DLEC1: variants seen among roughly 807,000 people sequenced by gnomAD.
DLEC1 encodes deleted in lung and esophageal cancer protein 1.
In DLEC1, 146 loss-of-function variants were observed where a neutral mutation model predicts 198.1. That is an observed-to-expected ratio of 0.74 (90% CI 0.64 to 0.85). The LOEUF (loss-of-function observed/expected upper bound fraction) is 0.85. Among genes scored for constraint, DLEC1 ranks in the 40% least tolerant of loss-of-function variants. DLEC1 has a pLI of 0.00. For synonymous variants in DLEC1, 897 were observed against 866.8 expected (o/e 1.03, Z -0.61); for missense variants, 2,233 against 2,220.0 (o/e 1.01, Z -0.12).
At chr3:38,047,384 T>G (rs1700929465) in intron 2 of DLEC1, among the ~76,000 whole-genome samples, 1 of 152,226 alleles carries the variant, frequency 6.6e-6, no homozygotes, top group Admixed American at 6.5e-5. Flanking sequence ...GATGGCTGTC[T>G]GCTATTTATT....
At chr3:38,090,396 C>T (rs1179087306) in intron 10 of DLEC1, among the ~76,000 whole-genome samples, 1 of 152,146 alleles carries the variant, frequency 6.6e-6, no homozygotes, top group East Asian at 1.9e-4. Context: ...CAAAGTTGCC[C>T]ACTCTATACT....
At chr3:38,072,539 G>A (rs1697379725) in intron 6 of DLEC1, among the ~76,000 whole-genome samples, 1 of 152,194 alleles carries the variant, frequency 6.6e-6, no homozygotes, top group South Asian at 2.1e-4. Flanking sequence ...GAGCTAGAGT[G>A]GGGGCAGTCT....
intron 23 of DLEC1, among the ~76,000 whole-genome samples, chr3:38,111,166 G>A (rs1421300377): frequency 6.6e-6 from 1 of 152,164 alleles, no homozygotes; most frequent in Non-Finnish European, 1.5e-5. Flanking sequence ...ACCTAATCTA[G>A]TGAAGCAAGA....
chr3:38,043,453 C>G (rs961953441), intron 1 of DLEC1, among the ~76,000 whole-genome samples: 2 of 152,280 alleles, frequency 1.3e-5, no homozygotes, highest in East Asian at 1.9e-4. Context: ...GAACATAGTA[C>G]TTTATATTTG....
At chr3:38,056,086 C>T (rs1696350269) in intron 2 of DLEC1, among the ~76,000 whole-genome samples, 1 of 150,270 alleles carries the variant, frequency 6.7e-6, no homozygotes, top group Non-Finnish European at 1.5e-5. Context: ...CACACACACA[C>T]ACACACACAC....
chr3:38,079,994 A>G (rs1401705457), intron 6 of DLEC1, among the ~76,000 whole-genome samples: 1 of 152,170 alleles, frequency 6.6e-6, no homozygotes, highest in Non-Finnish European at 1.5e-5. Flanking sequence ...TATATTGAGA[A>G]TAAGATAGCC....
Position 38,120,367 on chromosome 3 carries a change from A to G in DLEC1, c.4705-81A>G, listed in dbSNP as rs565662377. 21 of 1,536,418 alleles carry G rather than the reference A, an allele frequency of 1.4e-5. No individual in the cohort carries two copies. In the African/African-American group the frequency reaches 2.6e-4, roughly 19 times the overall value. ...GCTGGGCAAGGCTGGGCCTGGGAGG[A>G]AAGGAGGATGGAGCTCCAGGTGGGG... On this transcript the variant is annotated intron_variant, in intron 33 of 36. Transcript: ENST00000308059.
intron 6 of DLEC1, 83 bp downstream of exon 6, chr3:38,064,002 T>C (rs1575407428): frequency 4.4e-6 from 4 of 915,114 alleles, no homozygotes; most frequent in Admixed American, 5.5e-5. Context: ...TTTTCTTTTT[T>C]TTTTCTTTTT....
chr3:38,081,936 G>A (rs1252420807), intron 6 of DLEC1, among the ~76,000 whole-genome samples: 6 of 145,816 alleles, frequency 4.1e-5, no homozygotes, highest in Admixed American at 1.3e-4. Flanking sequence ...GCTGCCGGGC[G>A]GAGATGCTCC....
rs778778887 is a variant in DLEC1, at chr3:38,096,548, TAAC to T, written c.2172-20_2172-18del. 1 of 1,602,952 alleles carries T rather than the reference TAAC, an allele frequency of 6.2e-7. No homozygotes were observed. Among genetic ancestry groups the T allele is most frequent in the South Asian group, 1.1e-5 (1 of 89,814 alleles). ...GCTTCCAGGTGTGCCGGCTCCTAGC[TAAC>T]GGTGGGTTTGTGTTTAGTTCAGAAG... On this transcript the variant is annotated intron_variant, in intron 14 of 36. Coordinates refer to ENST00000308059, the MANE Select transcript of DLEC1 (RefSeq NM_007335.4).
intron 20 of DLEC1, among the ~76,000 whole-genome samples, 171 bp from the exon 21 acceptor site, chr3:38,108,234 A>AAGGGACCCGTGGTTTATCCCCAGAAGT (rs1699670638): frequency 6.6e-6 from 1 of 152,156 alleles, no homozygotes; most frequent in Non-Finnish European, 1.5e-5. Flanking sequence ...AGGAGAGGAG[A>AAGGGACCCGTGGTTTATCCCCAGAAGT]AGGGACCCGT....
chr3:38,118,738 C>A (rs775205902), intron 33 of DLEC1, among the ~76,000 whole-genome samples: 1 of 152,092 alleles, frequency 6.6e-6, no homozygotes, highest in Non-Finnish European at 1.5e-5. Flanking sequence ...TTCTTCTTCT[C>A]GGAGGGCTTC....
At chr3:38,099,761 G>C (rs1194420261) in intron 18 of DLEC1, among the ~76,000 whole-genome samples, 1 of 139,950 alleles carries the variant, frequency 7.1e-6, no homozygotes, top group East Asian at 2.5e-4. Flanking sequence ...ATGGGAGGAG[G>C]AGCAGACCGG....
chr3:38,064,011 T>C (rs1007108911), intron 6 of DLEC1, 92 bp downstream of exon 6: 85 of 872,190 alleles, frequency 9.7e-5, no homozygotes, highest in East Asian at 3.7e-4. Flanking sequence ...TTTTTTCTTT[T>C]TTTTTTTTTT....
rs749965190 is a variant in DLEC1 at position 38,117,802 on chromosome 3, C to T, written c.4486-4C>T. On this transcript the variant is annotated splice_polypyrimidine_tract_variant and splice_region_variant and intron_variant, in intron 32 of 36. Coordinates refer to ENST00000308059, the MANE Select transcript of DLEC1 (RefSeq NM_007335.4). The stretch of plus-strand genomic sequence containing the variant: ...CCCTGCCTCCTACCTCTGTGGCTGC[C>T]CAGGTGCTGAGTGAGCTGGTGACCA... 1.9e-6 allele frequency: 3 copies of T among 1,614,092 alleles called. No homozygotes were observed. Among genetic ancestry groups the T allele is most frequent in the South Asian group, 2.2e-5 (2 of 91,070 alleles).
rs759013575 is a variant in DLEC1 at position 38,062,601 on chromosome 3, T to G, written c.894T>G (p.Asn298Lys). 6.2e-7 allele frequency: 1 copy of G among 1,614,156 alleles called. No homozygotes were observed. The highest frequency in any genetic ancestry group is 1.1e-5 in the South Asian group (1 of 91,084). Residue 298 changes from asparagine (N) to lysine (K), a missense_variant, in exon 5 of 37, where the codon AAT (asparagine) becomes AAG (lysine). Physicochemically the swap from Asn to Lys is moderately conservative, Grantham distance 94. Transcript: ENST00000308059. The part of the protein sequence containing the change: ...EPLKKASQPR[N>K]KNWMNHLRVP... ...CAAAGAAAGCAAGTCAACCAAGGAA[T>G]AAAAACTGGATGAACCACTTACGTG...
At chr3:38,047,587 T>C (rs995979430) in intron 2 of DLEC1, among the ~76,000 whole-genome samples, 3 of 152,220 alleles carry the variant, frequency 2.0e-5, no homozygotes, top group African/African-American at 7.2e-5. Context: ...GATATCAGCA[T>C]CATGGTGTCA....
intron 7 of DLEC1, among the ~76,000 whole-genome samples, chr3:38,084,473 G>A (rs62240742): frequency 1.5e-4 from 13 of 88,416 alleles, no homozygotes; most frequent in Non-Finnish European, 2.3e-4. Flanking sequence ...TAGTAGTGGT[G>A]GTGGTGGTAG....
intron 18 of DLEC1, among the ~76,000 whole-genome samples, chr3:38,099,751 A>G (rs1263432513): frequency 3.6e-5 from 2 of 55,678 alleles, no homozygotes; most frequent in Non-Finnish European, 6.7e-5. Flanking sequence ...TGTGCCTGGC[A>G]TGGGAGGAGG....
Sources: gnomAD v4.1 joint callset for allele counts (sites outside exome capture counted in the v4.1 genomes callset) on GRCh38, gnomAD v4.1.1 for gene constraint, MANE v1.5 for transcripts, NCBI Gene and HGNC (gene_info 2026-07-23, HGNC 2026-07-21) for gene names.